Variants in SLCO3A1 observed in about 807,000 individuals in gnomAD.
SLCO3A1 encodes solute carrier organic anion transporter family member 3A1.
Under a neutral mutation model 63.1 loss-of-function variants are expected in SLCO3A1, and 27 were observed. The observed-to-expected ratio is 0.43, with a 90% CI of 0.32 to 0.59. SLCO3A1 has a LOEUF of 0.59. SLCO3A1 is among the 20% of genes least tolerant of loss of function. The pLI, the probability that SLCO3A1 is intolerant of heterozygous loss-of-function variation, is 0.09. For synonymous variants in SLCO3A1, 473 were observed against 409.9 expected (o/e 1.15, Z -1.86); for missense variants, 773 against 945.8 (o/e 0.82, Z 2.40).
At chr15:91,965,331 C>T (rs917787100) in intron 2 of SLCO3A1, among the ~76,000 whole-genome samples, 2 of 152,126 alleles carry the variant, frequency 1.3e-5, no homozygotes, top group Non-Finnish European at 2.9e-5. Flanking sequence ...TTGGATGTCC[C>T]GTAATGATTT....
chr15:91,956,100 G>C (rs781068193), intron 2 of SLCO3A1, among the ~76,000 whole-genome samples: 7 of 152,098 alleles, frequency 4.6e-5, no homozygotes, highest in Non-Finnish European at 1.0e-4. Context: ...CCCATCCCCT[G>C]GGCGTGCACT....
intron 2 of SLCO3A1, among the ~76,000 whole-genome samples, chr15:92,039,753 GAC>G (rs1403488565): frequency 6.6e-6 from 1 of 152,156 alleles, no homozygotes; most frequent in Non-Finnish European, 1.5e-5. Context: ...CTACTAAGAA[GAC>G]ACACGCACAT....
intron 9 of SLCO3A1, among the ~76,000 whole-genome samples, chr15:92,156,611 A>G (rs2048374415): frequency 6.6e-6 from 1 of 152,240 alleles, no homozygotes; most frequent in South Asian, 2.1e-4. Flanking sequence ...AATGTCAGGT[A>G]TCACTGGAAA....
At chr15:92,049,982 G>A (rs1354404056) in intron 2 of SLCO3A1, among the ~76,000 whole-genome samples, 1 of 152,178 alleles carries the variant, frequency 6.6e-6, no homozygotes. Flanking sequence ...ATTTCTTCCA[G>A]CTTAAAATGA....
intron 2 of SLCO3A1, among the ~76,000 whole-genome samples, chr15:91,991,236 G>A (rs1367142435): frequency 6.6e-6 from 1 of 151,982 alleles, no homozygotes; most frequent in African/African-American, 2.4e-5. Flanking sequence ...GCAGGGTGGT[G>A]TGCACCTATG....
rs1897080697 is a variant in SLCO3A1, at chr15:91,862,866, G to A, written c.180+8778G>A. Among the ~76,000 whole-genome samples, 1 of 152,184 alleles carries A rather than the reference G, an allele frequency of 6.6e-6. No individual in the cohort carries two copies. Among genetic ancestry groups the A allele is most frequent in the South Asian group, 2.1e-4 (1 of 4,832 alleles). On this transcript the variant is annotated intron_variant, in intron 1 of 9. Coordinates refer to ENST00000318445, the MANE Select transcript of SLCO3A1 (RefSeq NM_013272.4). The surrounding 1 kb of genome is among the most constrained non-coding windows in gnomAD (Gnocchi z 4.0). ...TTAAAGACTACTGTAAAATATTAAT[G>A]GGAATGGCTATTGTCTTTCACCCCC...
Position 91,916,334 on chromosome 15 carries a change from C to T in SLCO3A1, c.522C>T (p.Asn174=), listed in dbSNP as rs760608387. 3.1e-6 allele frequency: 5 copies of T among 1,606,592 alleles called. No individual in the cohort carries two copies. The Admixed American group carries it at 5.1e-5, about 16-fold the overall frequency. ...TCTGCCGCAACCGGACGGCTACCAA[C>T]ATGATGTACTTGCTGCTCATTGGGG... is the stretch of plus-strand genomic sequence containing the variant. ...DLICRNRTAT[N]MMYLLLIGAQ... is the part of the protein sequence containing the mutation. The change falls in exon 2 of 10, where the codon AAC becomes AAT. Residue 174 remains asparagine, a synonymous_variant. Transcript: ENST00000318445. This position sits in a 1 kb window ranked among gnomAD's most constrained non-coding sequence, Gnocchi z 6.2.
rs376360549 is a variant in SLCO3A1 at position 92,016,096 on chromosome 15, GAGTT to G, written c.647-78782_647-78779del. ...AGGGTTTTATCAAACCCCAAGAAGAGAGTTAGACATTCTGGACAGGAAGATGATG... is the reference window on the plus strand; with the variant it reads ...AGGGTTTTATCAAACCCCAAGAAGAGAGACATTCTGGACAGGAAGATGATG... On this transcript the variant is annotated intron_variant, in intron 2 of 9. Transcript: ENST00000318445. 1.4e-3 allele frequency among the ~76,000 whole-genome samples: 209 copies of G among 152,110 alleles called. 1 individual carries two copies. Among genetic ancestry groups the G allele is most frequent in the African/African-American group, 4.7e-3 (197 of 41,506 alleles).
At chr15:92,095,010 A>T in intron 3 of SLCO3A1, 31 bp downstream of exon 3, 1 of 1,445,542 alleles carries the variant, frequency 6.9e-7, no homozygotes, top group Non-Finnish European at 9.7e-7. Flanking sequence ...TCTACCTTCC[A>T]TCCGCAAGCG....
intron 2 of SLCO3A1, among the ~76,000 whole-genome samples, chr15:91,935,828 T>C (rs191267409): frequency 4.5e-4 from 69 of 152,330 alleles, no homozygotes; most frequent in African/African-American, 1.6e-3. Flanking sequence ...TGTTTTTTTT[T>C]CTGTTTAACC....
At chr15:92,072,651 G>A (rs527877362) in intron 2 of SLCO3A1, among the ~76,000 whole-genome samples, 2 of 152,310 alleles carry the variant, frequency 1.3e-5, no homozygotes, top group South Asian at 4.2e-4. Context: ...GAAGCCAGGG[G>A]AGAATCCTTC....
In SLCO3A1 at chr15:91,916,912, T is replaced by C. The variant is rs926746480; in HGVS notation, c.646+454T>C. ...GTGATGGCTTTGCCAGCATTTGGCA[T>C]CATTCGAAGTTGGTGACTTCCGGTA... is the stretch of plus-strand genomic sequence containing the variant. On this transcript the variant is annotated intron_variant, in intron 2 of 9. Coordinates refer to ENST00000318445, the MANE Select transcript of SLCO3A1 (RefSeq NM_013272.4). The surrounding 1 kb of genome is among the most constrained non-coding windows in gnomAD (Gnocchi z 6.2). Among the ~76,000 whole-genome samples, 1 of 152,182 alleles carries C rather than the reference T, an allele frequency of 6.6e-6. No homozygotes were observed. The highest frequency in any genetic ancestry group is 2.1e-4 in the South Asian group (1 of 4,828).
chr15:91,918,402 C>T (rs930527224), intron 2 of SLCO3A1, among the ~76,000 whole-genome samples: 1 of 152,190 alleles, frequency 6.6e-6, no homozygotes, highest in African/African-American at 2.4e-5. Flanking sequence ...ATACGAACAT[C>T]TTGGTGGCTC....
In SLCO3A1 at chr15:91,885,964, C is replaced by G. The variant is rs750450738; in HGVS notation, c.181-30029C>G. On this transcript the variant is annotated intron_variant, in intron 1 of 9. Coordinates refer to ENST00000318445, the MANE Select transcript of SLCO3A1 (RefSeq NM_013272.4). This position sits in a 1 kb window ranked among gnomAD's most constrained non-coding sequence, Gnocchi z 4.7. ...GGGGAGTGGAAAGACCAGTGTGTCT[C>G]TAGCAGAGAGGGTGAGAGGGAGGCA... Among the ~76,000 whole-genome samples, 22 of 152,100 alleles carry G rather than the reference C, an allele frequency of 1.4e-4. No homozygotes were observed. The highest frequency in any genetic ancestry group is 2.9e-4 in the Non-Finnish European group (20 of 68,026).
chr15:92,163,690 C>CT lies in SLCO3A1; in HGVS notation c.*556dup. The CT allele has an allele frequency of 1.0e-6, 1 of 985,400 alleles. No homozygotes were observed. The highest frequency in any genetic ancestry group is 1.2e-6 in the Non-Finnish European group (1 of 829,936). 61.0% of individuals were successfully genotyped at this position (985,400 alleles called of 1,614,324 possible). A position where few individuals can be genotyped will look rare whatever the true frequency, so the allele number is the denominator to read the frequency against. ...AGGGGTGGAAGCACCACTCCTCTCT[C>CT]TGACTTTCGCAATATGGGTCACTGT... is the stretch of plus-strand genomic sequence containing the variant. On this transcript the variant is annotated 3_prime_UTR_variant, in exon 10 of 10. Transcript: ENST00000318445.
intron 2 of SLCO3A1, among the ~76,000 whole-genome samples, chr15:92,018,916 C>A (rs1392591222): frequency 6.6e-6 from 1 of 152,146 alleles, no homozygotes; most frequent in East Asian, 1.9e-4. Flanking sequence ...ACCATCACTC[C>A]CCTGGTGCTG....
At chr15:92,136,245 C>T (rs1272906670) in intron 7 of SLCO3A1, among the ~76,000 whole-genome samples, 2 of 152,206 alleles carry the variant, frequency 1.3e-5, no homozygotes, top group African/African-American at 2.4e-5. Flanking sequence ...CAAATATCCC[C>T]ATACAATCCT....
intron 2 of SLCO3A1, among the ~76,000 whole-genome samples, chr15:91,976,546 CCTT>C (rs1000478521): frequency 2.0e-5 from 3 of 152,138 alleles, no homozygotes; most frequent in Non-Finnish European, 2.9e-5. Flanking sequence ...ACTTTTTCCT[CCTT>C]CTCCTTGGAG....
intron 2 of SLCO3A1, among the ~76,000 whole-genome samples, chr15:92,019,897 G>A (rs1056452940): frequency 5.9e-5 from 9 of 152,260 alleles, no homozygotes; most frequent in East Asian, 1.9e-4. Flanking sequence ...GCCCAGATAC[G>A]GAAGAGGAGA....
Sources: gnomAD v4.1 joint callset for allele counts (sites outside exome capture counted in the v4.1 genomes callset) on GRCh38, gnomAD v4.1.1 for gene constraint, Gnocchi (gnomAD v3.1) non-coding constraint, MANE v1.5 for transcripts, NCBI Gene and HGNC (gene_info 2026-07-23, HGNC 2026-07-21) for gene names.